The following LRCH4 variants were observed in gnomAD, a reference collection of about 807,000 sequenced individuals.
LRCH4 encodes leucine rich repeats and calponin homology domain containing 4.
In LRCH4, 56 loss-of-function variants were observed where a neutral mutation model predicts 81.2. The ratio of observed to expected loss-of-function variants is 0.69; its 90% CI spans 0.56 to 0.86. LRCH4 has a LOEUF of 0.86. Among genes scored for constraint, LRCH4 ranks in the 40% least tolerant of loss-of-function variants. LRCH4 has a pLI of 0.00. For synonymous variants in LRCH4, 442 were observed against 409.7 expected (o/e 1.08, Z -0.95); for missense variants, 895 against 922.8 (o/e 0.97, Z 0.39).
Position 100,577,478 on chromosome 7 carries a change from G to A in LRCH4, c.1178+19C>T. On this transcript the variant is annotated intron_variant, in intron 10 of 17. Transcript: ENST00000310300. This position sits in a 1 kb window ranked among gnomAD's most constrained non-coding sequence, Gnocchi z 6.7. ...GTGGGAGGATCGGGCAGTGGCGTCAGTTTGGGGGCTTGGGGTACCTGCTGC... is the reference window on the plus strand; with the variant it reads ...GTGGGAGGATCGGGCAGTGGCGTCAATTTGGGGGCTTGGGGTACCTGCTGC... 6.2e-7 allele frequency: 1 copy of A among 1,607,020 alleles called. No individual in the cohort carries two copies. Among genetic ancestry groups the A allele is most frequent in the Non-Finnish European group, 8.5e-7 (1 of 1,179,952 alleles).
chr7:100,574,632 G>GCGCGCGCACACACACACACACACA lies in LRCH4; in HGVS notation c.*474_*475insTGTGTGTGTGTGTGTGTGCGCGCG, dbSNP rs200891670. On this transcript the variant is annotated 3_prime_UTR_variant, in exon 18 of 18. Coordinates refer to ENST00000310300, the MANE Select transcript of LRCH4 (RefSeq NM_002319.5). The stretch of plus-strand genomic sequence containing the variant: ...ACGCGGAGCAGACGCGCGCGCGCGC[G>GCGCGCGCACACACACACACACACA]CACACACACACACACAGGCAGGGCG... The GCGCGCGCACACACACACACACACA allele has an allele frequency of 0.018, 2,677 of 151,722 alleles. 27 individuals carry two copies. The highest frequency in any genetic ancestry group is 0.024 in the Middle Eastern group (7 of 290). 9.4% of individuals were successfully genotyped at this position (151,722 alleles called of 1,614,324 possible). A position where few individuals can be genotyped will look rare whatever the true frequency, so the allele number is the denominator to read the frequency against.
intron 1 of LRCH4, among the ~76,000 whole-genome samples, chr7:100,585,636 GAGAA>G (rs151244673): frequency 0.011 from 1,653 of 152,278 alleles, 41 homozygotes; most frequent in African/African-American, 0.038. Context: ...TGCAAATAAA[GAGAA>G]AGGAGGAATC....
At position 100,575,229 on chromosome 7, in the gene LRCH4, G is replaced by A. The variant is rs748668021; in HGVS notation, c.1930C>T (p.Arg644Trp). 13 of 1,606,134 alleles carry A rather than the reference G, an allele frequency of 8.1e-6. No individual in the cohort carries two copies. Among genetic ancestry groups the A allele is most frequent in the Admixed American group, 5.1e-5 (3 of 58,576 alleles). Residue 644 changes from arginine (R) to tryptophan (W), a missense_variant, in exon 18 of 18, where the codon CGG (arginine) becomes TGG (tryptophan). Physicochemically the swap from Arg to Trp is moderately radical, Grantham distance 101. Around this residue, in one of 3 missense-constraint regions of LRCH4, gnomAD observed 529 missense variants for 504.9 expected, o/e 1.05. Transcript: ENST00000310300. This position sits in a 1 kb window ranked among gnomAD's most constrained non-coding sequence, Gnocchi z 5.3. Reference protein sequence around the residue: ...GLRTALEAVKRVGGKALPPLW... With the variant: ...GLRTALEAVKWVGGKALPPLW... ...GGCGGTAGGGCCTTGCCCCCCACCCGCTTCACGGCCTCCAGCGCGGTCCGC... is the reference window on the plus strand; with the variant it reads ...GGCGGTAGGGCCTTGCCCCCCACCCACTTCACGGCCTCCAGCGCGGTCCGC...
In LRCH4 at chr7:100,575,935, C is replaced by T. The variant is rs772626877; in HGVS notation, c.1712G>A (p.Cys571Tyr). The stretch of plus-strand genomic sequence containing the variant: ...CGGCCGTAGCTGGTTGGCCAGCTGG[C>T]ACAGGATGACCCCACTGGCCAGAGC... ...AEALASGVILCQLANQLRPRS... is the reference protein window; with the variant it reads ...AEALASGVILYQLANQLRPRS... Residue 571 changes from cysteine (C) to tyrosine (Y), a missense_variant, in exon 16 of 18, where the codon TGC becomes TAC. By Grantham distance (194) the Cys-to-Tyr change is radical. Coordinates refer to ENST00000310300, the MANE Select transcript of LRCH4 (RefSeq NM_002319.5). This position sits in a 1 kb window ranked among gnomAD's most constrained non-coding sequence, Gnocchi z 5.3. The T allele has an allele frequency of 7.4e-6, 12 of 1,611,192 alleles. No homozygotes were observed.
intron 4 of LRCH4, chr7:100,580,698 CACA>C (rs1368300845): frequency 1.3e-5 from 2 of 150,550 alleles, no homozygotes; most frequent in East Asian, 2.0e-4. Flanking sequence ...CAGACATAAA[CACA>C]ACACACACAC....
In LRCH4 at chr7:100,578,970, C is replaced by T. The variant is rs1030962617; in HGVS notation, c.599-184G>A. ...CCTCTCTCCACATGATTCTGGTCCACGGTCTAAGCGAGCCTCCCTGAGAGG... is the reference window on the plus strand; with the variant it reads ...CCTCTCTCCACATGATTCTGGTCCATGGTCTAAGCGAGCCTCCCTGAGAGG... On this transcript the variant is annotated intron_variant, in intron 4 of 17. Transcript: ENST00000310300. The surrounding 1 kb of genome is among the most constrained non-coding windows in gnomAD (Gnocchi z 5.7). 5.6e-5 allele frequency: 35 copies of T among 626,170 alleles called. 1 individual carries two copies. Among genetic ancestry groups the T allele is most frequent in the South Asian group, 5.3e-4 (26 of 49,324 alleles). 38.8% of individuals were successfully genotyped at this position (626,170 alleles called of 1,614,324 possible).
chr7:100,577,544 G>C lies in LRCH4; in HGVS notation c.1131C>G (p.Pro377=). Residue 377 remains proline (P), a synonymous_variant, in exon 10 of 18, where the codon CCC becomes CCG. Transcript: ENST00000310300. This position sits in a 1 kb window ranked among gnomAD's most constrained non-coding sequence, Gnocchi z 6.7. ...ERGTVEEQRP[P]ELSPGAGDRE... ...TGTCCCCTGCCCCAGGGCTTAATTC[G>C]GGTGGTCGCTGCTCCTAAGGAGAGA... 3 of 1,610,640 alleles carry C rather than the reference G, an allele frequency of 1.9e-6. No homozygotes were observed. Among genetic ancestry groups the C allele is most frequent in the Non-Finnish European group, 2.5e-6 (3 of 1,179,930 alleles).
Position 100,575,683 on chromosome 7 carries a change from C to G in LRCH4, c.1854+22G>C, listed in dbSNP as rs986061325. 5 of 1,613,844 alleles carry G rather than the reference C, an allele frequency of 3.1e-6. No homozygotes were observed. Among genetic ancestry groups the G allele is most frequent in the Non-Finnish European group, 3.4e-6 (4 of 1,179,810 alleles). ...CGGCTGAGTCCGGCATGCCACCACT[C>G]TTTAGAAAGCAGCCCCCATACCTCA... On this transcript the variant is annotated intron_variant, in intron 17 of 17. Transcript: ENST00000310300. The surrounding 1 kb of genome is among the most constrained non-coding windows in gnomAD (Gnocchi z 5.3).
In LRCH4 at chr7:100,577,807, A is replaced by T; in HGVS notation, c.1039+15T>A. On this transcript the variant is annotated intron_variant, in intron 8 of 17. Coordinates refer to ENST00000310300, the MANE Select transcript of LRCH4 (RefSeq NM_002319.5). This position sits in a 1 kb window ranked among gnomAD's most constrained non-coding sequence, Gnocchi z 6.7. ...CCCTGGTCCAGCCCAGCTCCCGGCC[A>T]GCCCTGCTACTCACCTGAGCCATCC... 1.2e-6 allele frequency: 2 copies of T among 1,613,966 alleles called. No homozygotes were observed. Among genetic ancestry groups the T allele is most frequent in the Non-Finnish European group, 1.7e-6 (2 of 1,179,864 alleles).
chr7:100,576,990 G>A lies in LRCH4; in HGVS notation c.1380C>T (p.Ser460=). The part of the protein sequence containing the change: ...TQAMHNGSPK[S]SASQAGAAAG... ...CTGCAGCCCCTGCTTGGGAGGCACT[G>A]GACTTAGGCGAGCCGCTGAGGAGAG... Residue 460 remains serine (S), a synonymous_variant, in exon 13 of 18, where the codon TCC becomes TCT. Coordinates refer to ENST00000310300, the MANE Select transcript of LRCH4 (RefSeq NM_002319.5). The A allele has an allele frequency of 3.7e-6, 6 of 1,610,386 alleles. No individual in the cohort carries two copies. The highest frequency in any genetic ancestry group is 1.3e-5 in the African/African-American group (1 of 75,006).
chr7:100,575,360 G>A lies in LRCH4; in HGVS notation c.1855-56C>T, dbSNP rs1371924211. On this transcript the variant is annotated intron_variant, in intron 17 of 17. Transcript: ENST00000310300. This position sits in a 1 kb window ranked among gnomAD's most constrained non-coding sequence, Gnocchi z 5.3. Reference sequence around the variant, plus strand: ...CAAGGGACAGACGTCAGCAGCAGCAGCAGGACAGTCCCTCCCACCCCTGCC... The same window carrying A: ...CAAGGGACAGACGTCAGCAGCAGCAACAGGACAGTCCCTCCCACCCCTGCC... The A allele has an allele frequency of 2.1e-6, 3 of 1,449,674 alleles. No homozygotes were observed. The highest frequency in any genetic ancestry group is 2.8e-6 in the Non-Finnish European group (3 of 1,074,050). 89.8% of individuals were successfully genotyped at this position (1,449,674 alleles called of 1,614,324 possible).
At position 100,575,810 on chromosome 7, in the gene LRCH4, G is replaced by A; in HGVS notation, c.1777-28C>T. On this transcript the variant is annotated intron_variant, in intron 16 of 17. Coordinates refer to ENST00000310300, the MANE Select transcript of LRCH4 (RefSeq NM_002319.5). This position sits in a 1 kb window ranked among gnomAD's most constrained non-coding sequence, Gnocchi z 5.3. ...GGGGTGGGTGAAAGAAGAAAATGTGGTAAGGGAGAGGCCACAGGCGCCCCG... is the reference window on the plus strand; with the variant it reads ...GGGGTGGGTGAAAGAAGAAAATGTGATAAGGGAGAGGCCACAGGCGCCCCG... The A allele has an allele frequency of 6.2e-7, 1 of 1,607,656 alleles. No individual in the cohort carries two copies.
chr7:100,584,150 G>T, intron 1 of LRCH4: 1 of 456,310 alleles, frequency 2.2e-6, no homozygotes, highest in Non-Finnish European at 4.4e-6. Flanking sequence ...CGGGCAGCAA[G>T]GCACTGATGC....
chr7:100,583,824 G>T lies in LRCH4; in HGVS notation c.221-1365C>A, dbSNP rs1215202711. On this transcript the variant is annotated intron_variant, in intron 1 of 17. Transcript: ENST00000310300. This position sits in a 1 kb window ranked among gnomAD's most constrained non-coding sequence, Gnocchi z 4.3. ...CCGCTTTCTCTGCAAATGTGTTTGT[G>T]TGTGTGCATGTGGACGAAGGGGGTG... Among the ~76,000 whole-genome samples, 1 of 152,178 alleles carries T rather than the reference G, an allele frequency of 6.6e-6. No homozygotes were observed. Among genetic ancestry groups the T allele is most frequent in the Non-Finnish European group, 1.5e-5 (1 of 68,028 alleles).
Position 100,576,335 on chromosome 7 carries a change from A to G in LRCH4, c.1553-12T>C, listed in dbSNP as rs1584403689. ...TGGTGAGGAAGGGCCTAGGAGAAAA[A>G]GGGGGGCATGGGGCTGCCTCCACTG... On this transcript the variant is annotated splice_polypyrimidine_tract_variant and intron_variant, in intron 14 of 17. Transcript: ENST00000310300. The G allele has an allele frequency of 6.2e-7, 1 of 1,605,836 alleles. No individual in the cohort carries two copies. Among genetic ancestry groups the G allele is most frequent in the Non-Finnish European group, 8.5e-7 (1 of 1,172,858 alleles).
rs116488015 is a variant in LRCH4, at chr7:100,583,984, C to T, written c.221-1525G>A. ...TGGGAGAGAATGAGCTGCACTTCTC[C>T]TTTGCAAGATGGCCCCTCCCCGCCA... On this transcript the variant is annotated intron_variant, in intron 1 of 17. Transcript: ENST00000310300. The surrounding 1 kb of genome is among the most constrained non-coding windows in gnomAD (Gnocchi z 4.3). 1.6e-3 allele frequency: 595 copies of T among 364,900 alleles called. 2 individuals carry two copies. Among genetic ancestry groups the T allele is most frequent in the African/African-American group, 0.012 (549 of 47,374 alleles). The allele number at this position is 364,900 out of a possible 1,614,324, so 22.6% of individuals were successfully genotyped here.
At position 100,582,619 on chromosome 7, in the gene LRCH4, C is replaced by T. The variant is rs182354474; in HGVS notation, c.221-160G>A. 6.2e-4 allele frequency among the ~76,000 whole-genome samples: 94 copies of T among 152,330 alleles called. No homozygotes were observed. The highest frequency in any genetic ancestry group is 1.9e-3 in the South Asian group (9 of 4,832). The stretch of plus-strand genomic sequence containing the variant: ...GAGAGATAACAAAGCCTTCTGCCAA[C>T]GGGAGCACATTCCAGGCGTGACCAG... On this transcript the variant is annotated intron_variant, in intron 1 of 17. Transcript: ENST00000310300. This position sits in a 1 kb window ranked among gnomAD's most constrained non-coding sequence, Gnocchi z 5.0.
intron 4 of LRCH4, 197 bp downstream of exon 4, chr7:100,581,580 G>T: frequency 1.8e-6 from 1 of 556,052 alleles, no homozygotes; most frequent in South Asian, 2.2e-5. Context: ...GGAGCCGGCA[G>T]TCTGCAGCCA....
intron 1 of LRCH4, among the ~76,000 whole-genome samples, chr7:100,584,362 C>T (rs1334677541): frequency 1.3e-5 from 2 of 151,422 alleles, no homozygotes; most frequent in African/African-American, 4.9e-5. Context: ...CTGGGATTTC[C>T]GACCCCCCCC....
Sources: allele counts gnomAD v4.1 joint callset (sites outside exome capture counted in the v4.1 genomes callset), GRCh38; gene constraint gnomAD v4.1.1; regional missense constraint gnomAD v4.1.1; non-coding constraint Gnocchi (gnomAD v3.1); transcripts MANE v1.5; gene names NCBI Gene and HGNC (gene_info 2026-07-23, HGNC 2026-07-21).